The following MACROD2 variants were observed in gnomAD, a reference collection of about 807,000 sequenced individuals.
MACROD2 encodes the protein ADP-ribose glycohydrolase MACROD2.
A neutral mutation model predicts 70.4 loss-of-function variants in MACROD2; 36 were observed. The observed-to-expected ratio is 0.51, with a 90% CI of 0.39 to 0.68. The LOEUF is 0.68. MACROD2 is among the 30% of genes least tolerant of loss of function. MACROD2 has a pLI of 0.00. For synonymous variants in MACROD2, 172 were observed against 178.8 expected (o/e 0.96, Z 0.30); for missense variants, 496 against 538.4 (o/e 0.92, Z 0.78).
At chr20:14,581,720 A>G (rs1981035247) in intron 4 of MACROD2, among the ~76,000 whole-genome samples, 1 of 152,060 alleles carries the variant, frequency 6.6e-6, no homozygotes, top group Non-Finnish European at 1.5e-5. Context: ...CTCCCAGCCG[A>G]CTCTTCCCAT....
At chr20:15,150,654 G>T (rs2145859951) in intron 5 of MACROD2, among the ~76,000 whole-genome samples, 3 of 152,024 alleles carry the variant, frequency 2.0e-5, no homozygotes, top group Admixed American at 2.0e-4. Context: ...GGGAGTAGAG[G>T]TATCCTATAC....
chr20:14,626,315 A>G (rs868197001), intron 4 of MACROD2, among the ~76,000 whole-genome samples: 1 of 152,140 alleles, frequency 6.6e-6, no homozygotes, highest in Non-Finnish European at 1.5e-5. Flanking sequence ...TTGGCATGGC[A>G]TCTGCAAGGA....
intron 6 of MACROD2, among the ~76,000 whole-genome samples, chr20:15,279,520 A>C (rs2077424512): frequency 1.3e-5 from 2 of 152,214 alleles, no homozygotes; most frequent in African/African-American, 2.4e-5. Flanking sequence ...CCAAGAATAC[A>C]AGACAGCAGT....
At chr20:14,023,964 G>A (rs1353122489) in intron 2 of MACROD2, among the ~76,000 whole-genome samples, 1 of 152,088 alleles carries the variant, frequency 6.6e-6, no homozygotes, top group Non-Finnish European at 1.5e-5. Flanking sequence ...GATGGGGATG[G>A]TATTGAATCT....
chr20:14,275,719 C>T (rs1255403948), intron 3 of MACROD2, among the ~76,000 whole-genome samples: 3 of 152,164 alleles, frequency 2.0e-5, no homozygotes, highest in Non-Finnish European at 4.4e-5. Flanking sequence ...AGAAAATTTT[C>T]ACAACCTACT....
At position 14,260,091 on chromosome 20, in the gene MACROD2, A is replaced by G. The variant is rs555041841; in HGVS notation, c.271+174363A>G. Among the ~76,000 whole-genome samples, 9 of 152,350 alleles carry G rather than the reference A, an allele frequency of 5.9e-5. No individual in the cohort carries two copies. In the South Asian group the frequency reaches 1.9e-3, roughly 32 times the overall value. On this transcript the variant is annotated intron_variant, in intron 3 of 17. Coordinates refer to ENST00000684519, the MANE Select transcript of MACROD2 (RefSeq NM_001351661.2). ...CTCATTGTGCTCTCATCAGATTTTA[A>G]AAGAGAAATGCAAAACATGGATATT...
Position 14,492,531 on chromosome 20 carries a change from G to T in MACROD2, c.272-948G>T, listed in dbSNP as rs543069174. 7.2e-4 allele frequency among the ~76,000 whole-genome samples: 110 copies of T among 152,162 alleles called. 1 individual carries two copies. The highest frequency in any genetic ancestry group is 2.5e-3 in the African/African-American group (104 of 41,498). ...CACCTCTTAAATTATGAAATGGGTG[G>T]TCTGTGGGCAGCATGCTAAAATTCA... On this transcript the variant is annotated intron_variant, in intron 3 of 17. Transcript: ENST00000684519.
intron 6 of MACROD2, among the ~76,000 whole-genome samples, chr20:15,380,178 A>G (rs933665130): frequency 1.8e-5 from 2 of 111,664 alleles, no homozygotes; most frequent in African/African-American, 1.2e-4. Context: ...TCATACCATC[A>G]TTTAAAAAAA....
intron 8 of MACROD2, among the ~76,000 whole-genome samples, chr20:15,586,554 A>G (rs1416069188): frequency 6.6e-6 from 1 of 152,220 alleles, no homozygotes; most frequent in African/African-American, 2.4e-5. Context: ...ATCTCAATAT[A>G]AAAGCCAGCC....
At chr20:14,160,364 G>T (rs964212517) in intron 3 of MACROD2, among the ~76,000 whole-genome samples, 1 of 152,106 alleles carries the variant, frequency 6.6e-6, no homozygotes, top group Admixed American at 6.5e-5. Flanking sequence ...ACTTTTCTTT[G>T]TTGGAAAACT....
chr20:15,388,226 G>A (rs2045746235), intron 6 of MACROD2, among the ~76,000 whole-genome samples: 1 of 152,066 alleles, frequency 6.6e-6, no homozygotes, highest in Admixed American at 6.6e-5. Context: ...TAAACAGTGT[G>A]TGCAAATGGG....
At chr20:15,532,241 T>C (rs2047813397) in intron 8 of MACROD2, among the ~76,000 whole-genome samples, 1 of 152,168 alleles carries the variant, frequency 6.6e-6, no homozygotes, top group East Asian at 1.9e-4. Flanking sequence ...AAATATTGCA[T>C]AGGACATACT....
intron 4 of MACROD2, among the ~76,000 whole-genome samples, chr20:14,565,339 A>G (rs6042792): frequency 0.022 from 2,951 of 136,764 alleles, 107 homozygotes; most frequent in African/African-American, 0.071. Context: ...TCCTGAATCT[A>G]TAAAAATGTA....
intron 5 of MACROD2, among the ~76,000 whole-genome samples, chr20:14,690,007 CAT>C (rs71943664): frequency 0.2 from 29,784 of 151,666 alleles, 3,157 homozygotes; most frequent in Non-Finnish European, 0.24. Context: ...TTTTAAAAAA[CAT>C]ATTTTAACAT....
chr20:14,546,936 T>C (rs913664115), intron 4 of MACROD2, among the ~76,000 whole-genome samples: 3 of 152,114 alleles, frequency 2.0e-5, no homozygotes, highest in Non-Finnish European at 4.4e-5. Flanking sequence ...CTTTTTTTTT[T>C]CAAGATCTAA....
chr20:15,908,172 C>A (rs77596319), intron 10 of MACROD2, among the ~76,000 whole-genome samples: 1,881 of 152,128 alleles, frequency 0.012, 31 homozygotes, highest in Middle Eastern at 0.02. Context: ...TGTTTGCTTC[C>A]CATTGAGAAG....
chr20:15,780,662 A>G (rs1302048543), intron 8 of MACROD2, among the ~76,000 whole-genome samples: 3 of 152,108 alleles, frequency 2.0e-5, no homozygotes, highest in Non-Finnish European at 4.4e-5. Context: ...GGTGGTTGCT[A>G]TAGGGCAAGG....
intron 5 of MACROD2, among the ~76,000 whole-genome samples, chr20:15,161,706 A>T (rs1279287295): frequency 2.0e-5 from 3 of 152,060 alleles, no homozygotes; most frequent in Admixed American, 2.0e-4. Flanking sequence ...ACAAAGGTAT[A>T]TTCAATAAAA....
intron 8 of MACROD2, among the ~76,000 whole-genome samples, chr20:15,659,560 T>C (rs1437441960): frequency 6.6e-6 from 1 of 152,012 alleles, no homozygotes; most frequent in African/African-American, 2.4e-5. Context: ...GCCTCCTGCT[T>C]CTCCTGCAGT....
Sources: allele counts gnomAD v4.1 joint callset (sites outside exome capture counted in the v4.1 genomes callset), GRCh38; gene constraint gnomAD v4.1.1; transcripts MANE v1.5; gene names NCBI Gene and HGNC (gene_info 2026-07-23, HGNC 2026-07-21).